The following SOD2 variants were observed in gnomAD, a reference collection of about 807,000 sequenced individuals.
SOD2 encodes superoxide dismutase [Mn], mitochondrial.
In SOD2, 11 loss-of-function variants were observed where a neutral mutation model predicts 27.0. The observed-to-expected ratio is 0.41, with a 90% confidence interval of 0.26 to 0.67. The LOEUF is 0.67. Among genes scored for constraint, SOD2 ranks in the 30% least tolerant of loss-of-function variants. SOD2 has a pLI of 0.34. For missense variants in SOD2, 250 were observed against 274.5 expected (o/e 0.91, Z 0.63); for synonymous variants, 105 against 103.0 (o/e 1.02, Z -0.12).
Position 159,685,057 on chromosome 6 carries a change from C to T in SOD2, c.344-24G>A, listed in dbSNP as rs369216945. 10 of 1,547,054 alleles carry T rather than the reference C, an allele frequency of 6.5e-6. No homozygotes were observed. In the African/African-American group the frequency reaches 1.4e-4, roughly 22 times the overall value. On this transcript the variant is annotated intron_variant, in intron 3 of 4. Transcript: ENST00000538183. ...CCCTATTAAAAAAAAAATCCAAAAC[C>T]ACCCACAAATGAACAGATTTCAATA...
rs185877148 is a variant in SOD2, at chr6:159,681,781, A to G, written c.*712T>C. 1.6e-4 allele frequency: 24 copies of G among 151,758 alleles called. No individual in the cohort carries two copies. The highest frequency in any genetic ancestry group is 5.8e-4 in the African/African-American group (24 of 41,154). The allele number at this position is 151,758 out of a possible 1,614,324, so 9.4% of individuals were successfully genotyped here. A position where few individuals can be genotyped will look rare whatever the true frequency, so the allele number is the denominator to read the frequency against. ...TAAATACTCTAGCTTGTAGGTCATC[A>G]TGGAGATTGGGTCTCAAGCATGAGC... On this transcript the variant is annotated 3_prime_UTR_variant, in exon 5 of 5. Transcript: ENST00000538183.
intron 1 of SOD2, among the ~76,000 whole-genome samples, chr6:159,711,691 T>A (rs371984867): frequency 5.4e-5 from 3 of 55,652 alleles, no homozygotes; most frequent in East Asian, 1.2e-3. Flanking sequence ...ACCACCTCCA[T>A]AACCACCACT....
upstream of SOD2, among the ~76,000 whole-genome samples, chr6:159,747,216 C>CAT (rs1413158175): frequency 2.0e-5 from 3 of 152,116 alleles, no homozygotes; most frequent in Non-Finnish European, 4.4e-5. Flanking sequence ...AACTATATTT[C>CAT]ATATTTTAGA....
chr6:159,708,153 C>G (rs553993072), intron 1 of SOD2, among the ~76,000 whole-genome samples: 170 of 152,216 alleles, frequency 1.1e-3, no homozygotes, highest in African/African-American at 3.9e-3. Flanking sequence ...CAAACCCACA[C>G]CCAATATCAT....
At chr6:159,753,755 TTTTAG>T in intron 1 of SOD2, 1 of 1,078,508 alleles carries the variant, frequency 9.3e-7, no homozygotes. Flanking sequence ...AGTGAAGCAT[TTTTAG>T]TTGAGTCCGC....
At chr6:159,709,759 A>G (rs1777695443) in intron 1 of SOD2, among the ~76,000 whole-genome samples, 1 of 152,170 alleles carries the variant, frequency 6.6e-6, no homozygotes, top group South Asian at 2.1e-4. Flanking sequence ...CAGCCATCCC[A>G]TTACTAGGTA....
upstream of SOD2, among the ~76,000 whole-genome samples, chr6:159,731,839 A>C (rs556367347): frequency 6.6e-6 from 1 of 152,344 alleles, no homozygotes; most frequent in Admixed American, 6.5e-5. Flanking sequence ...CAGAATACCA[A>C]GGTTATCAGA....
At chr6:159,741,950 T>TA (rs1158837844) in intron 1 of SOD2, 117 of 661,858 alleles carry the variant, frequency 1.8e-4, no homozygotes, top group East Asian at 4.0e-4. Context: ...AGACTCTGTC[T>TA]AAAAAAAACT....
At chr6:159,717,948 C>T (rs180757590) in intron 1 of SOD2, among the ~76,000 whole-genome samples, 25 of 151,226 alleles carry the variant, frequency 1.7e-4, no homozygotes, top group Admixed American at 2.6e-4. Context: ...TATATATATA[C>T]ACTCACACAT....
In SOD2 at chr6:159,688,139, A is replaced by C. The variant is rs146861547; in HGVS notation, c.330T>G (p.Gly110=). The change falls in exon 3 of 5, where the codon GGT becomes GGG. Residue 110 remains glycine (G), a synonymous_variant. Coordinates refer to ENST00000538183, the MANE Select transcript of SOD2 (RefSeq NM_000636.4). ...IFWTNLSPNG[G]GEPKGELLEA... is the part of the protein sequence containing the mutation. ...ATATATACCAACCTTTGGGTTCTCCACCACCGTTAGGGCTGAGGTTTGTCC... is the reference window on the plus strand; with the variant it reads ...ATATATACCAACCTTTGGGTTCTCCCCCACCGTTAGGGCTGAGGTTTGTCC... 2.8e-4 allele frequency: 451 copies of C among 1,604,820 alleles called. No homozygotes were observed. Among genetic ancestry groups the C allele is most frequent in the Non-Finnish European group, 3.5e-4 (415 of 1,171,574 alleles).
In SOD2 at chr6:159,673,675, A is replaced by G. The variant is rs189968321; in HGVS notation, c.*8818T>C. 6.6e-5 allele frequency: 10 copies of G among 152,350 alleles called. No individual in the cohort carries two copies. The East Asian group carries it at 1.5e-3, about 23-fold the overall frequency. The allele number at this position is 152,350 out of a possible 1,614,324, so 9.4% of individuals were successfully genotyped here. A position where few individuals can be genotyped will look rare whatever the true frequency, so the allele number is the denominator to read the frequency against. ...GATCTAAAATTGACACTCTAACATC[A>G]CAATTAAAAATATTAGAGAAGCAAG... On this transcript the variant is annotated 3_prime_UTR_variant, in exon 5 of 5. Transcript: ENST00000538183.
chr6:159,727,558 G>T, upstream of SOD2: 1 of 989,118 alleles, frequency 1.0e-6, no homozygotes, highest in Non-Finnish European at 1.2e-6. Flanking sequence ...GGGGAGCGCA[G>T]GGGTTGCGGC....
intron 1 of SOD2, 86 bp from the exon 2 acceptor site, chr6:159,692,949 C>G (rs1373040367): frequency 7.3e-7 from 1 of 1,378,896 alleles, no homozygotes; most frequent in African/African-American, 1.5e-5. Context: ...CAGCGCGCGG[C>G]GTCCCCCGAG....
rs1779721476 is a variant in SOD2, at chr6:159,673,895, A to C, written c.*8598T>G. 6.6e-6 allele frequency: 1 copy of C among 152,226 alleles called. No homozygotes were observed. Among genetic ancestry groups the C allele is most frequent in the Admixed American group, 6.5e-5 (1 of 15,272 alleles). The allele number at this position is 152,226 out of a possible 1,614,324, so 9.4% of individuals were successfully genotyped here. ...AAGAGAGAAGAATCAAATAAATGCA[A>C]TAAAAAATGATAAAGTGGATATCAC... On this transcript the variant is annotated 3_prime_UTR_variant, in exon 5 of 5. Coordinates refer to ENST00000538183, the MANE Select transcript of SOD2 (RefSeq NM_000636.4).
chr6:159,681,308 T>C lies in SOD2; in HGVS notation c.*1185A>G, dbSNP rs1298769144. The stretch of plus-strand genomic sequence containing the variant: ...AGAAGGTCATAACAGTTTCAAACAA[T>C]AGCCAGGGAAGTTAGAGTCACCTAG... On this transcript the variant is annotated 3_prime_UTR_variant, in exon 5 of 5. Transcript: ENST00000538183. The C allele has an allele frequency of 6.6e-5, 10 of 151,742 alleles. No individual in the cohort carries two copies. Among genetic ancestry groups the C allele is most frequent in the Admixed American group, 6.6e-4 (10 of 15,204 alleles). 9.4% of individuals were successfully genotyped at this position (151,742 alleles called of 1,614,324 possible). A position where few individuals can be genotyped will look rare whatever the true frequency, so the allele number is the denominator to read the frequency against.
At chr6:159,724,904 A>G (rs1232441444) in intron 1 of SOD2, among the ~76,000 whole-genome samples, 1 of 142,278 alleles carries the variant, frequency 7.0e-6, no homozygotes, top group African/African-American at 2.6e-5. Context: ...GGGAGGGGGG[A>G]AGAGAGGGAG....
chr6:159,679,830 C>T lies in SOD2; in HGVS notation c.*2663G>A, dbSNP rs544371399. On this transcript the variant is annotated 3_prime_UTR_variant, in exon 5 of 5. Transcript: ENST00000538183. ...ATTTTTAGTAGAGACAGGGTTTCAC[C>T]ACGTTGGCCACGCTGGTCTTGAACT... 3 of 152,198 alleles carry T rather than the reference C, an allele frequency of 2.0e-5. No individual in the cohort carries two copies. The East Asian group carries it at 5.8e-4, about 29-fold the overall frequency. 9.4% of individuals were successfully genotyped at this position (152,198 alleles called of 1,614,324 possible). A position where few individuals can be genotyped will look rare whatever the true frequency, so the allele number is the denominator to read the frequency against.
chr6:159,712,132 CCTCCA>C, intron 1 of SOD2, among the ~76,000 whole-genome samples: 1 of 63,884 alleles, frequency 1.6e-5, no homozygotes, highest in Non-Finnish European at 4.3e-5. Flanking sequence ...TCCATAACCA[CCTCCA>C]TAACCACCAC....
intron 1 of SOD2, among the ~76,000 whole-genome samples, chr6:159,733,693 C>A (rs918502476): frequency 1.3e-5 from 2 of 151,592 alleles, no homozygotes; most frequent in Non-Finnish European, 1.5e-5. Context: ...GTGGGCAGAT[C>A]ACCTGAGGTC....
Sources: allele counts gnomAD v4.1 joint callset (sites outside exome capture counted in the v4.1 genomes callset), GRCh38; gene constraint gnomAD v4.1.1; transcripts MANE v1.5; gene names NCBI Gene and HGNC (gene_info 2026-07-23, HGNC 2026-07-21).